Variants in ZBTB7B observed in about 807,000 individuals in gnomAD.
ZBTB7B encodes zinc finger and BTB domain-containing protein 7B.
ZBTB7B carries 8 observed loss-of-function variants against 31.0 expected under a neutral mutation model. The observed-to-expected ratio is 0.26, with a 90% confidence interval of 0.15 to 0.47. The LOEUF is 0.47. Ranked by LOEUF, ZBTB7B falls within the 20% of genes least tolerant of loss-of-function variation. ZBTB7B has a pLI of 0.99. For synonymous variants in ZBTB7B, 261 were observed against 307.3 expected, an observed-to-expected ratio of 0.85 and a Z score of 1.58; for missense variants, 494 against 742.4, an observed-to-expected ratio of 0.67 and a Z score of 3.89.
intron 1 of ZBTB7B, chr1:155,011,045 G>C (rs1397532843): frequency 2.7e-6 from 4 of 1,504,106 alleles, no homozygotes; most frequent in East Asian, 2.5e-5. Flanking sequence ...GGGAGGGGGG[G>C]CTCTGCGTGC....
chr1:155,010,817 G>A (rs1658914172), intron 1 of ZBTB7B: 1 of 974,790 alleles, frequency 1.0e-6, no homozygotes, highest in South Asian at 1.4e-5. Flanking sequence ...GGGTGGGGGG[G>A]TGGAGGGAGA....
chr1:155,005,398 T>C (rs751296447), intron 1 of ZBTB7B, among the ~76,000 whole-genome samples: 2 of 152,172 alleles, frequency 1.3e-5, no homozygotes, highest in Non-Finnish European at 2.9e-5. Flanking sequence ...AGGGACAGCC[T>C]AGGACTGGGC....
rs1227368589 is a variant in ZBTB7B at position 155,003,886 on chromosome 1, C to T, written c.-7+943C>T. On this transcript the variant is annotated intron_variant, in intron 1 of 2. Transcript: ENST00000535420. The surrounding 1 kb of genome is among the most constrained non-coding windows in gnomAD (Gnocchi z 5.8). ...AGAGAGCGACGTGTCCCGGCCAGAG[C>T]GAGGTGGGGGCGGGAGTGGGGGGGC... is the stretch of plus-strand genomic sequence containing the variant. Among the ~76,000 whole-genome samples the T allele has an allele frequency of 3.3e-5, 5 of 151,682 alleles. No individual in the cohort carries two copies. Among genetic ancestry groups the T allele is most frequent in the Non-Finnish European group, 4.4e-5 (3 of 67,872 alleles).
At chr1:155,005,625 G>A (rs1299725041) in intron 1 of ZBTB7B, among the ~76,000 whole-genome samples, 19 of 152,240 alleles carry the variant, frequency 1.2e-4, no homozygotes, top group Non-Finnish European at 2.9e-5. Context: ...TTGGCTCCCT[G>A]ACCTTCCTGA....
rs1491477940 is a variant in ZBTB7B, at chr1:155,018,489, A to AG, written c.*1805dup. ...CCCCAACTCCCCCACCTCGGGTGTAAGCGACAGGAAGAAATAATAATAATT... is the reference window on the plus strand; with the variant it reads ...CCCCAACTCCCCCACCTCGGGTGTAAGGCGACAGGAAGAAATAATAATAATT... On this transcript the variant is annotated 3_prime_UTR_variant, in exon 3 of 3. Coordinates refer to ENST00000535420, the MANE Select transcript of ZBTB7B (RefSeq NM_001256455.2). 26 of 1,538,926 alleles carry AG rather than the reference A, an allele frequency of 1.7e-5. No homozygotes were observed. The highest frequency in any genetic ancestry group is 2.0e-4 in the Middle Eastern group (1 of 5,104).
At position 155,018,150 on chromosome 1, in the gene ZBTB7B, A is replaced by AC. The variant is rs1659607053; in HGVS notation, c.*1470dup. 1.0e-5 allele frequency: 2 copies of AC among 197,386 alleles called. No individual in the cohort carries two copies. Among genetic ancestry groups the AC allele is most frequent in the Non-Finnish European group, 2.1e-5 (2 of 94,230 alleles). 12.2% of individuals were successfully genotyped at this position (197,386 alleles called of 1,614,324 possible). ...CCGGTGCTCTTCCTCCCTTCCATGC[A>AC]CCCCCATGCCCATTTGCACAGCTGC... On this transcript the variant is annotated 3_prime_UTR_variant, in exon 3 of 3. Transcript: ENST00000535420.
At chr1:155,011,814 C>T (rs987032329) in intron 1 of ZBTB7B, among the ~76,000 whole-genome samples, 1 of 152,226 alleles carries the variant, frequency 6.6e-6, no homozygotes, top group African/African-American at 2.4e-5. Flanking sequence ...GGCACCCTGG[C>T]ACCAGTGCCC....
intron 1 of ZBTB7B, among the ~76,000 whole-genome samples, chr1:155,007,043 A>G (rs1008419781): frequency 6.6e-6 from 1 of 152,182 alleles, no homozygotes; most frequent in Non-Finnish European, 1.5e-5. Flanking sequence ...TTGAGCTCTC[A>G]ATTTGGCTGA....
At chr1:155,005,859 C>G (rs568850367) in intron 1 of ZBTB7B, among the ~76,000 whole-genome samples, 305 of 152,316 alleles carry the variant, frequency 2.0e-3, no homozygotes, top group Middle Eastern at 3.4e-3. Context: ...CCCTCCCCCC[C>G]ACTCTTGCCA....
At chr1:155,010,878 T>A in intron 1 of ZBTB7B, 1 of 1,518,076 alleles carries the variant, frequency 6.6e-7, no homozygotes, top group Non-Finnish European at 8.8e-7. Flanking sequence ...ACCAGGAGCG[T>A]TGGGAAGAGC....
At chr1:155,013,418 C>A (rs1354167137) in intron 1 of ZBTB7B, among the ~76,000 whole-genome samples, 1 of 152,216 alleles carries the variant, frequency 6.6e-6, no homozygotes, top group Non-Finnish European at 1.5e-5. Context: ...CTTCCACCCC[C>A]TCCTTGCACA....
chr1:155,015,497 A>G lies in ZBTB7B; in HGVS notation c.837A>G (p.Glu279=). 6.2e-7 allele frequency: 1 copy of G among 1,613,410 alleles called. No homozygotes were observed. Among genetic ancestry groups the G allele is most frequent in the Non-Finnish European group, 8.5e-7 (1 of 1,179,638 alleles). Residue 279 remains glutamate (E), a synonymous_variant, in exon 2 of 3, where the codon GAA becomes GAG. Transcript: ENST00000535420. ...SYEPYEGEEE[E]EELVYPPAYG... ...AACCCTATGAGGGTGAGGAAGAAGA[A>G]GAGGAGCTGGTATATCCCCCAGCCT...
At position 155,017,363 on chromosome 1, in the gene ZBTB7B, G is replaced by GGCAGTAGAGGGGGCAGTAGCGGGGCCC. The variant is rs879893904; in HGVS notation, c.*678_*679insGCAGTAGAGGGGGCAGTAGCGGGGCCC. On this transcript the variant is annotated 3_prime_UTR_variant, in exon 3 of 3. Transcript: ENST00000535420. ...GCCTGCCCCTGGGGGCAGTAGAGGGGCCCCGCCCAGCTAGGGGAGCCGCTC... is the reference window on the plus strand; with the variant it reads ...GCCTGCCCCTGGGGGCAGTAGAGGGGGCAGTAGAGGGGGCAGTAGCGGGGCCCCCCCGCCCAGCTAGGGGAGCCGCTC... The GGCAGTAGAGGGGGCAGTAGCGGGGCCC allele has an allele frequency of 3.9e-5, 6 of 152,440 alleles. No individual in the cohort carries two copies. Among genetic ancestry groups the GGCAGTAGAGGGGGCAGTAGCGGGGCCC allele is most frequent in the Non-Finnish European group, 8.8e-5 (6 of 68,310 alleles). 9.4% of individuals were successfully genotyped at this position (152,440 alleles called of 1,614,324 possible).
In ZBTB7B at chr1:155,003,447, T is replaced by G. The variant is rs1658368116; in HGVS notation, c.-7+504T>G. On this transcript the variant is annotated intron_variant, in intron 1 of 2. Coordinates refer to ENST00000535420, the MANE Select transcript of ZBTB7B (RefSeq NM_001256455.2). The surrounding 1 kb of genome is among the most constrained non-coding windows in gnomAD (Gnocchi z 5.8). ...GGGGGGCGCAGGAGGAGCCGCGGCTTGGGGGAAAGTTACCGGCTGGACTAT... is the reference window on the plus strand; with the variant it reads ...GGGGGGCGCAGGAGGAGCCGCGGCTGGGGGGAAAGTTACCGGCTGGACTAT... 6.6e-6 allele frequency among the ~76,000 whole-genome samples: 1 copy of G among 152,034 alleles called. No individual in the cohort carries two copies. The highest frequency in any genetic ancestry group is 6.5e-5 in the Admixed American group (1 of 15,276).
chr1:155,010,737 C>A (rs1436040637), intron 1 of ZBTB7B, among the ~76,000 whole-genome samples: 2 of 152,066 alleles, frequency 1.3e-5, no homozygotes, highest in Non-Finnish European at 2.9e-5. Flanking sequence ...GGTCCAGACG[C>A]AGGCCAAAGC....
At position 155,017,361 on chromosome 1, in the gene ZBTB7B, G is replaced by GACT. The variant is rs1315590589; in HGVS notation, c.*676_*677insACT. 1 of 152,448 alleles carries GACT rather than the reference G, an allele frequency of 6.6e-6. No individual in the cohort carries two copies. Among genetic ancestry groups the GACT allele is most frequent in the African/African-American group, 2.4e-5 (1 of 41,440 alleles). 9.4% of individuals were successfully genotyped at this position (152,448 alleles called of 1,614,324 possible). A position where few individuals can be genotyped will look rare whatever the true frequency, so the allele number is the denominator to read the frequency against. ...TCGCCTGCCCCTGGGGGCAGTAGAG[G>GACT]GGCCCCGCCCAGCTAGGGGAGCCGC... On this transcript the variant is annotated 3_prime_UTR_variant, in exon 3 of 3. Transcript: ENST00000535420.
At chr1:155,009,766 C>A (rs1016473479) in intron 1 of ZBTB7B, among the ~76,000 whole-genome samples, 9 of 152,094 alleles carry the variant, frequency 5.9e-5, no homozygotes, top group Non-Finnish European at 1.3e-4. Flanking sequence ...AGGCCTGGTC[C>A]CTGATTTAAT....
intron 1 of ZBTB7B, chr1:155,014,133 G>A: frequency 1.0e-6 from 1 of 969,700 alleles, no homozygotes; most frequent in South Asian, 4.7e-5. Flanking sequence ...CCCAGGTTAT[G>A]AGGAGGTTCA....
Position 155,015,886 on chromosome 1 carries a change from A to T in ZBTB7B, c.1154+72A>T, listed in dbSNP as rs1659367527. 5.2e-6 allele frequency: 8 copies of T among 1,543,010 alleles called. No individual in the cohort carries two copies. The East Asian group carries it at 1.8e-4, about 35-fold the overall frequency. On this transcript the variant is annotated intron_variant, in intron 2 of 2. Transcript: ENST00000535420. The stretch of plus-strand genomic sequence containing the variant: ...ACAGGGTGGGAGGAGATGGGGAAGA[A>T]GTTAGGAGACCCGAGGTGGTGGTAG...
Sources: gnomAD v4.1 joint callset for allele counts (sites outside exome capture counted in the v4.1 genomes callset) on GRCh38, gnomAD v4.1.1 for gene constraint, Gnocchi (gnomAD v3.1) non-coding constraint, MANE v1.5 for transcripts, NCBI Gene and HGNC (gene_info 2026-07-23, HGNC 2026-07-21) for gene names.